The following IGF1 variants were observed in gnomAD, a reference collection of about 807,000 sequenced individuals.
IGF1 encodes insulin-like growth factor 1.
In IGF1, 4 loss-of-function variants were observed where a neutral mutation model predicts 13.8. The ratio of observed to expected loss-of-function variants is 0.29; its 90% CI spans 0.14 to 0.66. The LOEUF (loss-of-function observed/expected upper bound fraction) is 0.66, where lower values mean the gene tolerates loss of function less well. IGF1 is among the 30% of genes least tolerant of loss of function. The pLI, the probability that IGF1 is intolerant of heterozygous loss-of-function variation, is 0.78. For synonymous variants in IGF1, 76 were observed against 72.6 expected, an observed-to-expected ratio of 1.05 and a Z score of -0.23; for missense variants, 124 against 188.5, an observed-to-expected ratio of 0.66 and a Z score of 2.00.
rs1055010408 is a variant in IGF1, at chr12:102,468,871, A to G, written c.220+6772T>C. Reference sequence around the variant, plus strand: ...TCTCCTTGGGAGAGACCTTGTGGCTATTTTCACTGTGTCTGAATCTGTGGT... The same window carrying G: ...TCTCCTTGGGAGAGACCTTGTGGCTGTTTTCACTGTGTCTGAATCTGTGGT... On this transcript the variant is annotated intron_variant, in intron 2 of 3. Transcript: ENST00000337514. Among the ~76,000 whole-genome samples, 13 of 152,278 alleles carry G rather than the reference A, an allele frequency of 8.5e-5. No individual in the cohort carries two copies. The East Asian group carries it at 1.4e-3, about 16-fold the overall frequency.
chr12:102,448,612 C>A (rs567543271), intron 2 of IGF1, among the ~76,000 whole-genome samples: 1 of 144,648 alleles, frequency 6.9e-6, no homozygotes, highest in Non-Finnish European at 1.5e-5. Context: ...GTGGGTGCAG[C>A]GTACCAGCAT....
chr12:102,480,958 CAAAA>C (rs1232671633), upstream of IGF1, among the ~76,000 whole-genome samples: 3 of 151,894 alleles, frequency 2.0e-5, no homozygotes, highest in Admixed American at 6.6e-5. Context: ...TTATTTAAAA[CAAAA>C]AAAGAAAGAA....
chr12:102,455,556 G>A (rs996516087), intron 2 of IGF1, among the ~76,000 whole-genome samples: 1 of 152,154 alleles, frequency 6.6e-6, no homozygotes, highest in Non-Finnish European at 1.5e-5. Flanking sequence ...TTCAAGTGGG[G>A]GAGGAGTTCC....
At position 102,442,940 on chromosome 12, in the gene IGF1, T is replaced by C. The variant is rs185663245; in HGVS notation, c.221-23250A>G. 1.8e-3 allele frequency among the ~76,000 whole-genome samples: 276 copies of C among 152,172 alleles called. 4 individuals carry two copies. Among genetic ancestry groups the C allele is most frequent in the Middle Eastern group, 3.4e-3 (1 of 294 alleles). ...CTTATATCATCCTACAGGAACCTAA[T>C]AGGGAGGTGTTATTGCTGTTTTTGA... On this transcript the variant is annotated intron_variant, in intron 2 of 3. Transcript: ENST00000337514.
chr12:102,409,374 T>G (rs184909013), intron 3 of IGF1, among the ~76,000 whole-genome samples: 1 of 152,326 alleles, frequency 6.6e-6, no homozygotes, highest in East Asian at 1.9e-4. Context: ...AGGTAGCATA[T>G]TTCCTTCACT....
At chr12:102,455,018 G>A (rs940703002) in intron 2 of IGF1, among the ~76,000 whole-genome samples, 2 of 152,232 alleles carry the variant, frequency 1.3e-5, no homozygotes, top group Non-Finnish European at 2.9e-5. Context: ...AAGTGTGGGG[G>A]AAGGGAAAGG....
Position 102,438,335 on chromosome 12 carries a change from G to A in IGF1, c.221-18645C>T, listed in dbSNP as rs147112559. 1.5e-3 allele frequency among the ~76,000 whole-genome samples: 233 copies of A among 152,298 alleles called. 2 individuals are homozygous for A. Among genetic ancestry groups the A allele is most frequent in the African/African-American group, 5.3e-3 (221 of 41,572 alleles). On this transcript the variant is annotated intron_variant, in intron 2 of 3. Coordinates refer to ENST00000337514, the MANE Select transcript of IGF1 (RefSeq NM_000618.5). ...CCAAATGCCAAATCCTATGTCAAAG[G>A]ACACCTAAGGATCCAAGAGATCTTT...
chr12:102,480,251 G>A, intron 1 of IGF1, 68 bp downstream of exon 1: 2 of 1,437,524 alleles, frequency 1.4e-6, no homozygotes, highest in Non-Finnish European at 2.0e-6. Flanking sequence ...AACAGTTCTA[G>A]GCAGAAGCAA....
intron 2 of IGF1, among the ~76,000 whole-genome samples, chr12:102,438,611 C>A (rs185056454): frequency 1.8e-3 from 272 of 152,238 alleles, no homozygotes; most frequent in African/African-American, 6.3e-3. Context: ...GGAACAAAGG[C>A]GCCTGTATAC....
At chr12:102,406,558 C>G (rs924979193) in intron 3 of IGF1, among the ~76,000 whole-genome samples, 2 of 152,094 alleles carry the variant, frequency 1.3e-5, no homozygotes, top group African/African-American at 2.4e-5. Context: ...CATTGATCCT[C>G]CAGCTCACTG....
intron 2 of IGF1, among the ~76,000 whole-genome samples, chr12:102,427,680 G>A (rs954016165): frequency 6.6e-6 from 1 of 152,108 alleles, no homozygotes. Flanking sequence ...AGAGTGTTGG[G>A]AGGTGGACGC....
intron 3 of IGF1, among the ~76,000 whole-genome samples, chr12:102,413,379 G>T (rs1000943460): frequency 3.9e-5 from 6 of 152,190 alleles, no homozygotes; most frequent in Non-Finnish European, 7.3e-5. Flanking sequence ...TTGAGAAATT[G>T]CAGAATTTAT....
intron 2 of IGF1, among the ~76,000 whole-genome samples, chr12:102,420,659 A>G (rs945192518): frequency 2.6e-5 from 4 of 152,080 alleles, no homozygotes; most frequent in Admixed American, 2.0e-4. Flanking sequence ...AATGAATTCT[A>G]TTTCTTATTG....
chr12:102,476,410 TGAGAGAGAGAGA>T (rs36047405), intron 1 of IGF1, among the ~76,000 whole-genome samples: 4 of 139,034 alleles, frequency 2.9e-5, no homozygotes, highest in South Asian at 2.5e-4. Flanking sequence ...TTCCTCAATA[TGAGAGAGAGAGA>T]GAGAGAGAGA....
intron 3 of IGF1, among the ~76,000 whole-genome samples, chr12:102,419,228 A>G (rs1025376759): frequency 6.6e-6 from 1 of 152,216 alleles, no homozygotes; most frequent in South Asian, 2.1e-4. Context: ...CTGGTGTGTG[A>G]GAAAGCCAGG....
chr12:102,412,520 C>G (rs1369243975), intron 3 of IGF1, among the ~76,000 whole-genome samples: 1 of 152,136 alleles, frequency 6.6e-6, no homozygotes, highest in Non-Finnish European at 1.5e-5. Context: ...TTAAAATCAG[C>G]TTGATGCACC....
chr12:102,418,335 G>A (rs941171984), intron 3 of IGF1, among the ~76,000 whole-genome samples: 6 of 152,220 alleles, frequency 3.9e-5, no homozygotes, highest in Non-Finnish European at 7.3e-5. Flanking sequence ...AGTGGCTACT[G>A]TGTTCTGTGT....
At chr12:102,450,949 T>C (rs986763817) in intron 2 of IGF1, among the ~76,000 whole-genome samples, 2 of 152,210 alleles carry the variant, frequency 1.3e-5, no homozygotes, top group Non-Finnish European at 2.9e-5. Context: ...TATAGTAGAT[T>C]AGTTATAGTT....
rs137919702 is a variant in IGF1, at chr12:102,432,563, G to T, written c.221-12873C>A. ...CGGGATTAGAAAAGAGACAGCCAAG[G>T]TGGAGCACAGACAGGGATCTTACCT... On this transcript the variant is annotated intron_variant, in intron 2 of 3. Coordinates refer to ENST00000337514, the MANE Select transcript of IGF1 (RefSeq NM_000618.5). Among the ~76,000 whole-genome samples, 12 of 152,328 alleles carry T rather than the reference G, an allele frequency of 7.9e-5. No individual in the cohort carries two copies. In the East Asian group the frequency reaches 2.3e-3, roughly 29 times the overall value.
Sources: allele counts gnomAD v4.1 joint callset (sites outside exome capture counted in the v4.1 genomes callset), GRCh38; gene constraint gnomAD v4.1.1; transcripts MANE v1.5; gene names NCBI Gene and HGNC (gene_info 2026-07-23, HGNC 2026-07-21).